Variants in INPP4B observed in about 807,000 individuals in gnomAD.
INPP4B encodes inositol polyphosphate-4-phosphatase type II B.
INPP4B carries 55 observed loss-of-function variants against 122.5 expected under a neutral mutation model. The ratio of observed to expected loss-of-function variants is 0.45; its 90% CI spans 0.36 to 0.56. The LOEUF is 0.56. Among genes scored for constraint, INPP4B ranks in the 20% least tolerant of loss-of-function variants. The probability of loss-of-function intolerance (pLI) is 0.00; values close to 1 mark genes in which losing one functional copy is unlikely to be tolerated. For synonymous variants in INPP4B, 403 were observed against 388.7 expected (o/e 1.04, Z -0.43); for missense variants, 1,000 against 1,097.7 (o/e 0.91, Z 1.26).
intron 17 of INPP4B, among the ~76,000 whole-genome samples, chr4:142,159,731 A>AC (rs1222322491): frequency 6.6e-6 from 1 of 151,858 alleles, no homozygotes; most frequent in African/African-American, 2.4e-5. Context: ...GTACACCTTC[A>AC]CGTTTCTCCC....
chr4:142,316,009 T>C (rs1026713646), intron 7 of INPP4B, among the ~76,000 whole-genome samples: 3 of 152,096 alleles, frequency 2.0e-5, no homozygotes, highest in Non-Finnish European at 4.4e-5. Flanking sequence ...CAGCTCCTCA[T>C]GGCCTGCTAA....
rs115227186 is a variant in INPP4B, at chr4:142,722,063, C to T, written c.-191+3776G>A. Among the ~76,000 whole-genome samples the T allele has an allele frequency of 5.2e-3, 784 of 151,964 alleles. 8 individuals are homozygous for T. Among genetic ancestry groups the T allele is most frequent in the Non-Finnish European group, 7.5e-3 (513 of 67,966 alleles). On this transcript the variant is annotated intron_variant, in intron 2 of 25. Transcript: ENST00000262992. ...TACAATTATATTGAAGAAAAAAATCCGTGTCTGTGTGTGCACCTTTATATA... is the reference window on the plus strand; with the variant it reads ...TACAATTATATTGAAGAAAAAAATCTGTGTCTGTGTGTGCACCTTTATATA...
chr4:142,265,502 TA>T (rs1167707070), intron 10 of INPP4B, among the ~76,000 whole-genome samples: 1 of 152,232 alleles, frequency 6.6e-6, no homozygotes, highest in African/African-American at 2.4e-5. Context: ...TTTGCAGTTC[TA>T]AAAAGCACTC....
intron 2 of INPP4B, among the ~76,000 whole-genome samples, chr4:142,580,354 A>G (rs1734812000): frequency 6.6e-6 from 1 of 152,044 alleles, no homozygotes; most frequent in Non-Finnish European, 1.5e-5. Flanking sequence ...TGTGCTCAGC[A>G]AATATTAGCA....
intron 12 of INPP4B, among the ~76,000 whole-genome samples, chr4:142,232,491 C>T (rs1473102912): frequency 1.3e-5 from 2 of 152,010 alleles, no homozygotes; most frequent in South Asian, 2.1e-4. Flanking sequence ...ACCTAAAAGA[C>T]GGTGAACTTA....
At chr4:142,241,212 G>T (rs1859219669) in intron 11 of INPP4B, among the ~76,000 whole-genome samples, 1 of 150,878 alleles carries the variant, frequency 6.6e-6, no homozygotes, top group Admixed American at 6.6e-5. Flanking sequence ...AGAGAGCCCT[G>T]TGTGTATTCT....
At chr4:142,716,451 T>A (rs1763779029) in intron 2 of INPP4B, among the ~76,000 whole-genome samples, 2 of 152,216 alleles carry the variant, frequency 1.3e-5, no homozygotes, top group African/African-American at 4.8e-5. Context: ...TCAATTTTTT[T>A]CTTTTAATTT....
chr4:142,451,930 T>G (rs1393764021), intron 3 of INPP4B, among the ~76,000 whole-genome samples: 1 of 152,154 alleles, frequency 6.6e-6, no homozygotes, highest in Non-Finnish European at 1.5e-5. Context: ...AAGGCACCCT[T>G]TTTTGGGTAC....
chr4:142,639,053 T>TGA (rs1255074892), intron 2 of INPP4B, among the ~76,000 whole-genome samples: 1 of 152,208 alleles, frequency 6.6e-6, no homozygotes, highest in African/African-American at 2.4e-5. Context: ...GTTTTTCTCC[T>TGA]ACCTTGCTGA....
chr4:142,424,970 A>G (rs1807723387), intron 5 of INPP4B, among the ~76,000 whole-genome samples: 4 of 152,078 alleles, frequency 2.6e-5, no homozygotes. Context: ...TTTAGAGAAA[A>G]CCAAGAAATA....
intron 1 of INPP4B, among the ~76,000 whole-genome samples, chr4:142,731,296 T>C (rs941690073): frequency 3.3e-5 from 5 of 152,172 alleles, no homozygotes; most frequent in African/African-American, 9.7e-5. Context: ...AACAAGGATG[T>C]TGTTTGGAAA....
chr4:142,276,269 ATT>A (rs1450385040), intron 9 of INPP4B, among the ~76,000 whole-genome samples: 2 of 151,694 alleles, frequency 1.3e-5, no homozygotes, highest in Non-Finnish European at 3.0e-5. Flanking sequence ...TACTTTCACT[ATT>A]TTATTTTTTT....
chr4:142,806,819 G>GAAAGAAAGAAAGAAAGAAAGAAAGA (rs1778898425), intron 1 of INPP4B, among the ~76,000 whole-genome samples: 1 of 145,852 alleles, frequency 6.9e-6, no homozygotes, highest in Non-Finnish European at 1.5e-5. Flanking sequence ...AAGAAAGAAA[G>GAAAGAAAGAAAGAAAGAAAGAAAGA]AAAGAAAGAA....
chr4:142,482,251 C>T (rs1035412296), intron 2 of INPP4B, among the ~76,000 whole-genome samples: 16 of 152,160 alleles, frequency 1.1e-4, no homozygotes, highest in Non-Finnish European at 2.1e-4. Flanking sequence ...CTGTTTTACT[C>T]TCAAGAAACT....
chr4:142,073,200 T>C (rs1176661629), intron 25 of INPP4B, among the ~76,000 whole-genome samples: 1 of 152,148 alleles, frequency 6.6e-6, no homozygotes. Context: ...TCATTCACAC[T>C]CATATGAGTT....
chr4:142,789,222 A>C (rs11100758), intron 1 of INPP4B, among the ~76,000 whole-genome samples: 13,933 of 152,196 alleles, frequency 0.092, 809 homozygotes, highest in African/African-American at 0.16. Context: ...CAGTACTGGA[A>C]GTCCTGCCAG....
intron 2 of INPP4B, among the ~76,000 whole-genome samples, chr4:142,700,321 T>G (rs960417834): frequency 2.0e-5 from 3 of 152,218 alleles, no homozygotes; most frequent in Admixed American, 2.0e-4. Context: ...TTAACTTAAA[T>G]AATGAGAGCA....
At chr4:142,631,896 T>A (rs901950026) in intron 2 of INPP4B, among the ~76,000 whole-genome samples, 1 of 152,116 alleles carries the variant, frequency 6.6e-6, no homozygotes, top group African/African-American at 2.4e-5. Flanking sequence ...GGTGACATAT[T>A]GAGGGAACTT....
chr4:142,839,578 T>A (rs1312276326), intron 1 of INPP4B, among the ~76,000 whole-genome samples: 1 of 152,246 alleles, frequency 6.6e-6, no homozygotes, highest in Non-Finnish European at 1.5e-5. Context: ...ATAGTAATTA[T>A]TTTTTAAATT....
Sources: gnomAD v4.1 joint callset for allele counts (sites outside exome capture counted in the v4.1 genomes callset) on GRCh38, gnomAD v4.1.1 for gene constraint, MANE v1.5 for transcripts, NCBI Gene and HGNC (gene_info 2026-07-23, HGNC 2026-07-21) for gene names.